ITPRID1: variants seen among roughly 807,000 people sequenced by gnomAD.
The protein encoded by ITPRID1 is ITPR interacting domain containing 1.
ITPRID1 carries 96 observed loss-of-function variants against 95.4 expected under a neutral mutation model. The observed-to-expected ratio is 1.01, with a 90% confidence interval of 0.85 to 1.19. The LOEUF is 1.19. Ranked by LOEUF, ITPRID1 falls within the 50% of genes most tolerant of loss-of-function variation. The pLI is 0.00. For missense variants in ITPRID1, 1,339 were observed against 1,252.9 expected, an observed-to-expected ratio of 1.07 and a Z score of -1.04; for synonymous variants, 510 against 453.6, an observed-to-expected ratio of 1.12 and a Z score of -1.58.
intron 5 of ITPRID1, among the ~76,000 whole-genome samples, chr7:31,556,873 T>A (rs150542728): frequency 1.0e-3 from 156 of 152,160 alleles, no homozygotes; most frequent in African/African-American, 3.6e-3. Context: ...CTCTCACAGT[T>A]ATGGAGTCTG....
rs192492083 is a variant in ITPRID1, at chr7:31,619,682, A to C, written c.1229-22494A>C. ...CTACAGCCCCCAGCGTGAGCCACGCAGAAGACGGGTGATTTCTGCATTTCC... is the reference window on the plus strand; with the variant it reads ...CTACAGCCCCCAGCGTGAGCCACGCCGAAGACGGGTGATTTCTGCATTTCC... On this transcript the variant is annotated intron_variant, in intron 10 of 14. Coordinates refer to ENST00000615280, the MANE Select transcript of ITPRID1 (RefSeq NM_001257967.3). Among the ~76,000 whole-genome samples the C allele has an allele frequency of 5.9e-5, 9 of 152,258 alleles. No individual in the cohort carries two copies. In the East Asian group the frequency reaches 1.8e-3, roughly 30 times the overall value.
chr7:31,632,085 T>C (rs1789054304), intron 10 of ITPRID1, among the ~76,000 whole-genome samples: 5 of 152,210 alleles, frequency 3.3e-5, no homozygotes, highest in Admixed American at 2.0e-4. Context: ...AACAGTGACT[T>C]GTCCTACAGC....
chr7:31,609,737 ACTT>A (rs1289520212), intron 10 of ITPRID1, among the ~76,000 whole-genome samples: 1 of 151,380 alleles, frequency 6.6e-6, no homozygotes, highest in Non-Finnish European at 1.5e-5. Flanking sequence ...TCAAAGAAAA[ACTT>A]CTTTTTTAAA....
chr7:31,652,189 T>C, intron 14 of ITPRID1, 139 bp downstream of exon 14: 1 of 747,010 alleles, frequency 1.3e-6, no homozygotes, highest in Non-Finnish European at 2.2e-6. Context: ...TACAGAGAAG[T>C]ACTTTGGTTT....
At chr7:31,651,310 C>T (rs376295478) in intron 13 of ITPRID1, 41 bp downstream of exon 13, 14 of 1,601,736 alleles carry the variant, frequency 8.7e-6, no homozygotes, top group African/African-American at 4.0e-5. Flanking sequence ...TACCAGCCCA[C>T]ACACCTGGAG....
At chr7:31,545,753 C>G (rs1784076952) in intron 1 of ITPRID1, among the ~76,000 whole-genome samples, 1 of 152,060 alleles carries the variant, frequency 6.6e-6, no homozygotes, top group African/African-American at 2.4e-5. Flanking sequence ...ACCCACGGAA[C>G]AAGTCATCAC....
intron 10 of ITPRID1, among the ~76,000 whole-genome samples, chr7:31,594,943 ATATAT>A (rs1459988531): frequency 2.0e-5 from 3 of 152,134 alleles, no homozygotes; most frequent in Non-Finnish European, 2.9e-5. Context: ...GAGGATAAAA[ATATAT>A]TAATTAATTA....
intron 10 of ITPRID1, among the ~76,000 whole-genome samples, chr7:31,630,901 A>G (rs548701465): frequency 5.9e-5 from 9 of 152,274 alleles, no homozygotes; most frequent in South Asian, 2.1e-4. Flanking sequence ...AAAAAAATAC[A>G]TACAAAAATG....
At chr7:31,551,778 G>T (rs773045274) in intron 2 of ITPRID1, 8 of 281,306 alleles carry the variant, frequency 2.8e-5, no homozygotes, top group African/African-American at 2.2e-5. Flanking sequence ...GATTAGAAAT[G>T]ATTTACATGT....
chr7:31,597,003 T>C (rs1786116761), intron 10 of ITPRID1, among the ~76,000 whole-genome samples: 2 of 151,844 alleles, frequency 1.3e-5, no homozygotes, highest in African/African-American at 4.8e-5. Flanking sequence ...ATAAAGCATA[T>C]TACATTAACA....
At chr7:31,576,921 CT>C (rs397890827) in intron 8 of ITPRID1, among the ~76,000 whole-genome samples, 23,202 of 146,336 alleles carry the variant, frequency 0.16, 2,195 homozygotes, top group Admixed American at 0.24. Context: ...ATATTTTCCA[CT>C]TTTTTTTTTT....
At chr7:31,556,588 G>A (rs1784454376) in intron 5 of ITPRID1, among the ~76,000 whole-genome samples, 1 of 152,070 alleles carries the variant, frequency 6.6e-6, no homozygotes, top group African/African-American at 2.4e-5. Context: ...GGAGCTGAGA[G>A]ACACATTGAG....
intron 12 of ITPRID1, among the ~76,000 whole-genome samples, chr7:31,646,467 A>G (rs951677654): frequency 3.3e-5 from 5 of 152,060 alleles, no homozygotes; most frequent in Admixed American, 1.3e-4. Flanking sequence ...GCCCTGGGGG[A>G]AAAGGCACAG....
chr7:31,592,643 G>T (rs908366730), intron 10 of ITPRID1, among the ~76,000 whole-genome samples: 1 of 152,158 alleles, frequency 6.6e-6, no homozygotes, highest in Non-Finnish European at 1.5e-5. Context: ...GTTCACAATA[G>T]AATTTGTACT....
chr7:31,591,524 G>A (rs1051084779), intron 10 of ITPRID1, among the ~76,000 whole-genome samples: 1 of 152,250 alleles, frequency 6.6e-6, no homozygotes, highest in African/African-American at 2.4e-5. Flanking sequence ...CTGTTGAGAA[G>A]TGGTTGATGG....
intron 1 of ITPRID1, among the ~76,000 whole-genome samples, chr7:31,524,877 A>G (rs962131590): frequency 6.6e-6 from 1 of 152,182 alleles, no homozygotes; most frequent in African/African-American, 2.4e-5. Context: ...AATGGTACCT[A>G]GAAGAGTGCT....
chr7:31,654,469 T>C lies in ITPRID1; in HGVS notation c.*1640T>C, dbSNP rs1005223586. ...CTGTGGGTTTTAAGCAGGGTCGTCA[T>C]ATAATCTGATTTACGTTTTGAAGTC... On this transcript the variant is annotated 3_prime_UTR_variant, in exon 15 of 15. Coordinates refer to ENST00000615280, the MANE Select transcript of ITPRID1 (RefSeq NM_001257967.3). Among the ~76,000 whole-genome samples, 3 of 152,150 alleles carry C rather than the reference T, an allele frequency of 2.0e-5. No individual in the cohort carries two copies. The highest frequency in any genetic ancestry group is 7.2e-5 in the African/African-American group (3 of 41,434).
At chr7:31,598,794 C>G (rs1007730067) in intron 10 of ITPRID1, among the ~76,000 whole-genome samples, 8 of 152,192 alleles carry the variant, frequency 5.3e-5, no homozygotes, top group Admixed American at 4.6e-4. Flanking sequence ...TATAGAAAAA[C>G]TGACGAATAA....
Position 31,656,404 on chromosome 7 carries a change from T to G in ITPRID1, c.*3575T>G. On this transcript the variant is annotated 3_prime_UTR_variant, in exon 15 of 15. Transcript: ENST00000615280. Reference sequence around the variant, plus strand: ...GACAGAATAAATACCATGAATCCTGTGCAGTGTTTAATCCAATGTCCATCA... The same window carrying G: ...GACAGAATAAATACCATGAATCCTGGGCAGTGTTTAATCCAATGTCCATCA... The G allele has an allele frequency of 2.1e-6, 1 of 485,318 alleles. No individual in the cohort carries two copies. The allele number at this position is 485,318 out of a possible 1,614,324, so 30.1% of individuals were successfully genotyped here. A position where few individuals can be genotyped will look rare whatever the true frequency, so the allele number is the denominator to read the frequency against.
Sources: gnomAD v4.1 joint callset for allele counts (sites outside exome capture counted in the v4.1 genomes callset) on GRCh38, gnomAD v4.1.1 for gene constraint, MANE v1.5 for transcripts, NCBI Gene and HGNC (gene_info 2026-07-23, HGNC 2026-07-21) for gene names.